Variants in PACS2 observed in about 807,000 individuals in gnomAD.
The protein encoded by PACS2 is phosphofurin acidic cluster sorting protein 2, also known as PACS1-like protein.
Under a neutral mutation model 113.0 loss-of-function variants are expected in PACS2, and 36 were observed. The observed-to-expected ratio is 0.32, with a 90% confidence interval of 0.24 to 0.42. The LOEUF (loss-of-function observed/expected upper bound fraction) is 0.42, where lower values mean the gene tolerates loss of function less well. PACS2 is among the 10% of genes least tolerant of loss of function. PACS2 has a pLI of 1.00. For missense variants in PACS2, 1,015 were observed against 1,239.5 expected (o/e 0.82, Z 2.72); for synonymous variants, 589 against 536.1 (o/e 1.10, Z -1.36).
intron 4 of PACS2, among the ~76,000 whole-genome samples, chr14:105,359,363 A>C (rs2060581737): frequency 6.6e-6 from 1 of 151,092 alleles, no homozygotes; most frequent in Admixed American, 6.6e-5. Flanking sequence ...TTTATAGTGC[A>C]GTGGCGCGAT....
intron 7 of PACS2, among the ~76,000 whole-genome samples, chr14:105,368,898 T>G (rs1720594550): frequency 6.6e-6 from 1 of 152,240 alleles, no homozygotes; most frequent in South Asian, 2.1e-4. Context: ...CCCCCATTTT[T>G]GTTTGGGATC....
chr14:105,385,109 C>T, intron 18 of PACS2, 122 bp downstream of exon 18: 1 of 693,244 alleles, frequency 1.4e-6, no homozygotes, highest in Non-Finnish European at 2.6e-6. Context: ...CGGGCTTAGA[C>T]CAGAGCCTGG....
chr14:105,328,186 G>A (rs182189511), intron 1 of PACS2, among the ~76,000 whole-genome samples: 1 of 152,240 alleles, frequency 6.6e-6, no homozygotes, highest in African/African-American at 2.4e-5. Flanking sequence ...AGAAGAGAGG[G>A]GTGCAGTTCT....
intron 1 of PACS2, among the ~76,000 whole-genome samples, chr14:105,342,724 A>C (rs1157238201): frequency 2.6e-5 from 4 of 151,630 alleles, no homozygotes; most frequent in Non-Finnish European, 5.9e-5. Context: ...ACTTGAGGTC[A>C]GGAGTTCAAA....
intron 24 of PACS2, chr14:105,393,587 G>T (rs1595196790): frequency 1.8e-5 from 7 of 396,708 alleles, no homozygotes; most frequent in Admixed American, 4.6e-5. Flanking sequence ...TTTGTTTTTT[G>T]TTTTGGTTTT....
rs1555416668 is a variant in PACS2, at chr14:105,396,284, G to GC, written c.*1614dup. The GC allele has an allele frequency of 1.3e-5, 2 of 152,478 alleles. No individual in the cohort carries two copies. The highest frequency in any genetic ancestry group is 3.9e-4 in the East Asian group (2 of 5,156). 9.4% of individuals were successfully genotyped at this position (152,478 alleles called of 1,614,324 possible). A position where few individuals can be genotyped will look rare whatever the true frequency, so the allele number is the denominator to read the frequency against. On this transcript the variant is annotated 3_prime_UTR_variant, in exon 25 of 25. Transcript: ENST00000447393. ...ACTCCTCCTTCACCTGGGACCAGGA[G>GC]CCTGGGGCACACCCCAGGGTGGGGG...
chr14:105,333,366 A>G (rs2059378885), intron 1 of PACS2, among the ~76,000 whole-genome samples: 1 of 152,218 alleles, frequency 6.6e-6, no homozygotes, highest in African/African-American at 2.4e-5. Context: ...AGGCGTTCCC[A>G]TGGCGCCACT....
In PACS2 at chr14:105,385,722, G is replaced by A. The variant is rs994490244; in HGVS notation, c.2033+5G>A. On this transcript the variant is annotated splice_donor_5th_base_variant and intron_variant, in intron 19 of 24. Coordinates refer to ENST00000447393, the MANE Select transcript of PACS2 (RefSeq NM_001100913.3). ...TCATTTTGACTTTACCCTAAGGTAC[G>A]GCTCTGTGGGTCTGCCTCCCACCCT... 3.4e-5 allele frequency: 51 copies of A among 1,502,998 alleles called. No homozygotes were observed. The East Asian group carries it at 7.2e-4, about 21-fold the overall frequency. 93.1% of individuals were successfully genotyped at this position (1,502,998 alleles called of 1,614,324 possible). A position where few individuals can be genotyped will look rare whatever the true frequency, so the allele number is the denominator to read the frequency against.
intron 16 of PACS2, chr14:105,384,098 G>A (rs1275477498): frequency 4.0e-5 from 20 of 498,798 alleles, no homozygotes; most frequent in South Asian, 3.5e-4. Context: ...ACGGTCACAT[G>A]TGCCCTGCTG....
intron 4 of PACS2, among the ~76,000 whole-genome samples, chr14:105,364,401 C>G (rs587745508): frequency 8.5e-6 from 1 of 117,772 alleles, no homozygotes; most frequent in African/African-American, 3.7e-5. Flanking sequence ...GGCGGTGTCC[C>G]GGGTGCGCGG....
chr14:105,313,866 C>T (rs1373381947), upstream of PACS2, among the ~76,000 whole-genome samples: 1 of 152,220 alleles, frequency 6.6e-6, no homozygotes, highest in Non-Finnish European at 1.5e-5. Context: ...CTCCCTGAGC[C>T]CCAGAGCCTA....
chr14:105,322,454 C>CG (rs1449065603), intron 1 of PACS2, among the ~76,000 whole-genome samples: 2 of 151,702 alleles, frequency 1.3e-5, no homozygotes, highest in Non-Finnish European at 2.9e-5. Flanking sequence ...TTAGTAGAGA[C>CG]GGGGTTTCAC....
chr14:105,387,209 G>A (rs1341474185), intron 19 of PACS2, among the ~76,000 whole-genome samples: 2 of 152,216 alleles, frequency 1.3e-5, no homozygotes, highest in Admixed American at 6.5e-5. Flanking sequence ...GAGTGCAGGC[G>A]GTGGCACAGC....
rs2058514286 is a variant in PACS2 at position 105,315,124 on chromosome 14, C to T, written c.119+87C>T. Reference sequence around the variant, plus strand: ...GCCTCTGCGCGCCCCATCCCCGGCCCGGGTCCCCCAGCGGAGCCCAGGTCG... The same window carrying T: ...GCCTCTGCGCGCCCCATCCCCGGCCTGGGTCCCCCAGCGGAGCCCAGGTCG... On this transcript the variant is annotated intron_variant, in intron 1 of 24. Transcript: ENST00000447393. This position sits in a 1 kb window ranked among gnomAD's most constrained non-coding sequence, Gnocchi z 4.4. 1.2e-6 allele frequency: 1 copy of T among 848,142 alleles called. No homozygotes were observed. The highest frequency in any genetic ancestry group is 5.2e-5 in the South Asian group (1 of 19,110). 52.5% of individuals were successfully genotyped at this position (848,142 alleles called of 1,614,324 possible). A position where few individuals can be genotyped will look rare whatever the true frequency, so the allele number is the denominator to read the frequency against.
chr14:105,397,709 C>T lies in PACS2; in HGVS notation c.*3037C>T, dbSNP rs2081566443. 1 of 152,500 alleles carries T rather than the reference C, an allele frequency of 6.6e-6. No homozygotes were observed. The highest frequency in any genetic ancestry group is 1.5e-5 in the Non-Finnish European group (1 of 68,230). 9.4% of individuals were successfully genotyped at this position (152,500 alleles called of 1,614,324 possible). On this transcript the variant is annotated 3_prime_UTR_variant, in exon 25 of 25. Transcript: ENST00000447393. Reference sequence around the variant, plus strand: ...CTCTGGGTGAGAGCTGGGGGTGTCTCTGCAGGGTACTGGCAGCCTTGCCAC... The same window carrying T: ...CTCTGGGTGAGAGCTGGGGGTGTCTTTGCAGGGTACTGGCAGCCTTGCCAC...
rs1555411418 is a variant in PACS2, at chr14:105,379,734, G to A, written c.960-5G>A. The A allele has an allele frequency of 2.5e-6, 4 of 1,613,198 alleles. No homozygotes were observed. The South Asian group carries it at 4.4e-5, about 18-fold the overall frequency. ...CGTGTCCCCCACCCCTGTTCCCTGAGCCAGGCCATACTTTGAAGGCCTGTC... is the reference window on the plus strand; with the variant it reads ...CGTGTCCCCCACCCCTGTTCCCTGAACCAGGCCATACTTTGAAGGCCTGTC... On this transcript the variant is annotated splice_region_variant and splice_polypyrimidine_tract_variant and intron_variant, in intron 9 of 24. Coordinates refer to ENST00000447393, the MANE Select transcript of PACS2 (RefSeq NM_001100913.3).
intron 19 of PACS2, 135 bp from the exon 20 acceptor site, chr14:105,389,826 G>C: frequency 5.0e-6 from 4 of 800,998 alleles, no homozygotes; most frequent in Non-Finnish European, 8.8e-6. Flanking sequence ...ACACAGGGCA[G>C]GGCTGTCCGG....
Position 105,363,865 on chromosome 14 carries a change from G to A in PACS2, c.424-3348G>A, listed in dbSNP as rs913939113. Among the ~76,000 whole-genome samples, 6 of 152,024 alleles carry A rather than the reference G, an allele frequency of 3.9e-5. 1 individual carries two copies. Among genetic ancestry groups the A allele is most frequent in the Non-Finnish European group, 7.4e-5 (5 of 68,002 alleles). ...CCCTCCTTTCACTTGAACACTTAGGGGCCCGTAGAGTTAGTAATTGGCCTA... is the reference window on the plus strand; with the variant it reads ...CCCTCCTTTCACTTGAACACTTAGGAGCCCGTAGAGTTAGTAATTGGCCTA... On this transcript the variant is annotated intron_variant, in intron 4 of 24. Transcript: ENST00000447393.
rs1348621927 is a variant in PACS2, at chr14:105,384,987, G to A, written c.2000G>A (p.Arg667Lys). The A allele has an allele frequency of 1.3e-6, 2 of 1,543,662 alleles. No individual in the cohort carries two copies. The highest frequency in any genetic ancestry group is 1.8e-6 in the Non-Finnish European group (2 of 1,135,078). Residue 667 changes from arginine to lysine, a missense_variant and splice_region_variant, in exon 18 of 25, where the codon AGG becomes AAG. This residue lies in a region of PACS2 where 859 missense variants were observed against 1,056.8 expected (regional missense o/e 0.81). Coordinates refer to ENST00000447393, the MANE Select transcript of PACS2 (RefSeq NM_001100913.3). ...AEAMLTYKQK[R>K]KKHFHFDFTL... ...GCCATGCTGACCTACAAGCAGAAGA[G>A]GTAACGCGGTGGGCCCAGGCACCAT...
Sources: gnomAD v4.1 joint callset for allele counts (sites outside exome capture counted in the v4.1 genomes callset) on GRCh38, gnomAD v4.1.1 for gene constraint, gnomAD v4.1.1 regional missense constraint, Gnocchi (gnomAD v3.1) non-coding constraint, MANE v1.5 for transcripts, NCBI Gene and HGNC (gene_info 2026-07-23, HGNC 2026-07-21) for gene names.